ARHGEF12: variants seen among roughly 807,000 people sequenced by gnomAD.
ARHGEF12 encodes Rho guanine nucleotide exchange factor 12.
A neutral mutation model predicts 211.2 loss-of-function variants in ARHGEF12; 66 were observed. The observed-to-expected ratio is 0.31, with a 90% CI of 0.26 to 0.38. ARHGEF12 has a LOEUF of 0.38. Ranked by LOEUF, ARHGEF12 falls within the 10% of genes least tolerant of loss-of-function variation. ARHGEF12 has a pLI of 1.00. For synonymous variants in ARHGEF12, 592 were observed against 638.4 expected, an observed-to-expected ratio of 0.93 and a Z score of 1.09; for missense variants, 1,429 against 1,869.5, an observed-to-expected ratio of 0.76 and a Z score of 4.34.
rs1947194882 is a variant in ARHGEF12, at chr11:120,480,316, G to C, written c.4123G>C (p.Asp1375His). ...TACCATGGAGCCAGAAGGGGGTCTT[G>C]ATGACAGTGGAGAGCACTTTTTTGA... ...MPTMEPEGGLDDSGEHFFDAR... is the reference protein window; with the variant it reads ...MPTMEPEGGLHDSGEHFFDAR... The change falls in exon 38 of 41, where the codon GAT becomes CAT. Residue 1375 changes from aspartate to histidine, a missense_variant. Physicochemically the swap from Asp to His is moderately conservative, Grantham distance 81. Around this residue, in one of 7 missense-constraint regions of ARHGEF12, gnomAD observed 467 missense variants for 468.4 expected, o/e 1.00. Transcript: ENST00000397843. 2 of 1,614,050 alleles carry C rather than the reference G, an allele frequency of 1.2e-6. No individual in the cohort carries two copies. The highest frequency in any genetic ancestry group is 8.5e-7 in the Non-Finnish European group (1 of 1,180,046).
chr11:120,364,322 G>A (rs888281544), intron 1 of ARHGEF12, among the ~76,000 whole-genome samples: 2 of 152,152 alleles, frequency 1.3e-5, no homozygotes, highest in East Asian at 1.9e-4. Context: ...GCTACAAGAG[G>A]GTTGTGGTAA....
intron 1 of ARHGEF12, chr11:120,385,257 T>C (rs915141318): frequency 4.7e-5 from 46 of 977,830 alleles, no homozygotes; most frequent in Non-Finnish European, 5.6e-5. Flanking sequence ...CGAATGATGA[T>C]GGTAGATGAT....
chr11:120,457,603 T>C (rs1946401508), intron 23 of ARHGEF12, 118 bp from the exon 24 acceptor site: 1 of 654,940 alleles, frequency 1.5e-6, no homozygotes. Flanking sequence ...ATTATTACAA[T>C]ATCCCAAAGA....
chr11:120,370,167 T>C (rs1943550420), intron 1 of ARHGEF12, among the ~76,000 whole-genome samples: 1 of 152,178 alleles, frequency 6.6e-6, no homozygotes, highest in Admixed American at 6.5e-5. Context: ...TAAAATATTA[T>C]GAATATGATA....
At chr11:120,465,733 G>T (rs894239014) in intron 28 of ARHGEF12, among the ~76,000 whole-genome samples, 1 of 152,216 alleles carries the variant, frequency 6.6e-6, no homozygotes, top group Admixed American at 6.5e-5. Context: ...CTCCCGAAGG[G>T]ATTACAGGTG....
rs1947426677 is a variant in ARHGEF12 at position 120,487,460 on chromosome 11, C to T, written c.*2383C>T. 1 of 217,104 alleles carries T rather than the reference C, an allele frequency of 4.6e-6. No homozygotes were observed. The highest frequency in any genetic ancestry group is 5.8e-5 in the Admixed American group (1 of 17,180). 13.4% of individuals were successfully genotyped at this position (217,104 alleles called of 1,614,324 possible). ...CCGACCTAACTTCTCTTTTCCCTCC[C>T]AACTTGGCCTCCCACACGTTCCATT... is the stretch of plus-strand genomic sequence containing the variant. On this transcript the variant is annotated 3_prime_UTR_variant, in exon 41 of 41. Coordinates refer to ENST00000397843, the MANE Select transcript of ARHGEF12 (RefSeq NM_015313.3).
chr11:120,459,023 A>G (rs1346045678), intron 25 of ARHGEF12, 151 bp from the exon 26 acceptor site: 1 of 659,918 alleles, frequency 1.5e-6, no homozygotes, highest in African/African-American at 1.9e-5. Context: ...ATTTCTTGGA[A>G]TCAGAATGAC....
At chr11:120,427,323 A>G (rs529228587) in intron 7 of ARHGEF12, among the ~76,000 whole-genome samples, 1 of 152,198 alleles carries the variant, frequency 6.6e-6, no homozygotes, top group African/African-American at 2.4e-5. Context: ...TTTTTTGGTC[A>G]TACTCATTTT....
At chr11:120,354,783 G>C (rs1943085440) in intron 1 of ARHGEF12, among the ~76,000 whole-genome samples, 1 of 152,138 alleles carries the variant, frequency 6.6e-6, no homozygotes. Flanking sequence ...GAATTGTATT[G>C]AGAATTTTAC....
chr11:120,381,775 A>T (rs1356648068), intron 1 of ARHGEF12, among the ~76,000 whole-genome samples: 2 of 152,134 alleles, frequency 1.3e-5, no homozygotes, highest in South Asian at 4.1e-4. Flanking sequence ...CCTGCACCCT[A>T]AATGTCCCCC....
chr11:120,384,184 ACTTACAAGGCGACTGCCTT>A (rs1943961513), intron 1 of ARHGEF12, among the ~76,000 whole-genome samples: 1 of 152,206 alleles, frequency 6.6e-6, no homozygotes, highest in East Asian at 1.9e-4. Flanking sequence ...TTTAGTAACT[ACTTACAAGGCGACTGCCTT>A]TGCCAAGGTA....
chr11:120,438,012 A>G (rs1189415249), intron 12 of ARHGEF12, among the ~76,000 whole-genome samples: 2 of 152,106 alleles, frequency 1.3e-5, no homozygotes, highest in African/African-American at 4.8e-5. Flanking sequence ...ACTTTTTGCT[A>G]TTGTGAATAT....
chr11:120,476,554 G>A, intron 33 of ARHGEF12, 107 bp from the exon 34 acceptor site: 1 of 616,106 alleles, frequency 1.6e-6, no homozygotes, highest in South Asian at 3.7e-5. Context: ...GTAAATATAT[G>A]TAACCTTTAT....
At chr11:120,408,349 C>T (rs1347807594) in intron 3 of ARHGEF12, 1 of 152,186 alleles carries the variant, frequency 6.6e-6, no homozygotes, top group Non-Finnish European at 1.5e-5. Flanking sequence ...TGTCTTTCAA[C>T]CTAAGCAGTG....
intron 27 of ARHGEF12, among the ~76,000 whole-genome samples, chr11:120,461,475 A>T (rs1221685469): frequency 6.6e-6 from 1 of 152,120 alleles, no homozygotes; most frequent in Non-Finnish European, 1.5e-5. Flanking sequence ...TCATTTATAG[A>T]GCACAGACAG....
chr11:120,420,765 G>A lies in ARHGEF12; in HGVS notation c.212G>A (p.Arg71His), dbSNP rs374153562. 16 of 1,613,720 alleles carry A rather than the reference G, an allele frequency of 9.9e-6. No individual in the cohort carries two copies. The highest frequency in any genetic ancestry group is 8.3e-5 in the Admixed American group (5 of 59,992). The change falls in exon 5 of 41, where the codon CGT (arginine) becomes CAT (histidine). Residue 71 changes from arginine to histidine, a missense_variant. By Grantham distance (29) the Arg-to-His change is conservative. Around this residue, in one of 7 missense-constraint regions of ARHGEF12, gnomAD observed 60 missense variants for 121.0 expected, o/e 0.50. Coordinates refer to ENST00000397843, the MANE Select transcript of ARHGEF12 (RefSeq NM_015313.3). ...SRSEIYGLVQ[R>H]CVIIQKDDNG... ...GGTTCTTGTGCAGGTCTTGTTCAGC[G>A]TTGCGTAATCATCCAGAAAGATGAC...
At chr11:120,393,266 A>ATT (rs56988200) in intron 1 of ARHGEF12, among the ~76,000 whole-genome samples, 3 of 152,136 alleles carry the variant, frequency 2.0e-5, no homozygotes, top group African/African-American at 4.8e-5. Context: ...AAATAATTTA[A>ATT]AAGATGAAAA....
At chr11:120,418,431 G>A (rs1307749656) in intron 4 of ARHGEF12, among the ~76,000 whole-genome samples, 2 of 152,080 alleles carry the variant, frequency 1.3e-5, no homozygotes, top group Non-Finnish European at 2.9e-5. Context: ...ATGGACATAC[G>A]ACAGTTTGTT....
At position 120,480,179 on chromosome 11, in the gene ARHGEF12, G is replaced by C. The variant is rs770268450; in HGVS notation, c.3986G>C (p.Arg1329Pro). 9 of 1,614,190 alleles carry C rather than the reference G, an allele frequency of 5.6e-6. No homozygotes were observed. The highest frequency in any genetic ancestry group is 4.2e-6 in the Non-Finnish European group (5 of 1,180,024). Residue 1329 changes from arginine (R) to proline (P), a missense_variant, in exon 38 of 41, where the codon CGG becomes CCG. Arg to Pro is a moderately radical substitution (Grantham distance 103). This residue lies in a region of ARHGEF12 where 467 missense variants were observed against 468.4 expected (regional missense o/e 1.00). Coordinates refer to ENST00000397843, the MANE Select transcript of ARHGEF12 (RefSeq NM_015313.3). The part of the protein sequence containing the change: ...TGDIATCYSP[R>P]TSTESFAPRD... ...GACATTGCAACTTGTTACAGTCCAC[G>C]GACTTCAACTGAATCTTTTGCTCCA... is the stretch of plus-strand genomic sequence containing the variant.
Sources: allele counts gnomAD v4.1 joint callset (sites outside exome capture counted in the v4.1 genomes callset), GRCh38; gene constraint gnomAD v4.1.1; regional missense constraint gnomAD v4.1.1; transcripts MANE v1.5; gene names NCBI Gene and HGNC (gene_info 2026-07-23, HGNC 2026-07-21).